Variants in DIP2C observed in about 807,000 individuals in gnomAD.
The protein encoded by DIP2C is DIP2 acetate--CoA ligase C (putative), also known as disco-interacting protein 2 homolog C.
DIP2C carries 33 observed loss-of-function variants against 192.4 expected under a neutral mutation model. The ratio of observed to expected loss-of-function variants is 0.17; its 90% CI spans 0.13 to 0.23. The LOEUF (loss-of-function observed/expected upper bound fraction) is 0.23, where lower values mean the gene tolerates loss of function less well. Ranked by LOEUF, DIP2C falls within the 10% of genes least tolerant of loss-of-function variation. DIP2C has a pLI of 1.00. For synonymous variants in DIP2C, 979 were observed against 864.1 expected, an observed-to-expected ratio of 1.13 and a Z score of -2.33; for missense variants, 1,537 against 2,110.1, an observed-to-expected ratio of 0.73 and a Z score of 5.32.
intron 6 of DIP2C, among the ~76,000 whole-genome samples, chr10:418,707 C>T (rs1965970786): frequency 6.6e-6 from 1 of 152,242 alleles, no homozygotes; most frequent in Non-Finnish European, 1.5e-5. Flanking sequence ...CTTCATCTTG[C>T]TCTTCTAAGT....
intron 1 of DIP2C, among the ~76,000 whole-genome samples, chr10:640,272 G>A (rs1299645872): frequency 6.6e-6 from 1 of 152,258 alleles, no homozygotes; most frequent in Non-Finnish European, 1.5e-5. Context: ...GGCCACCAAG[G>A]GCTTTGCTTT....
chr10:441,109 C>A, intron 3 of DIP2C, 113 bp from the exon 4 acceptor site: 3 of 1,256,894 alleles, frequency 2.4e-6, no homozygotes, highest in Non-Finnish European at 3.2e-6. Flanking sequence ...AACTCACCAA[C>A]AGATGGGTGG....
At chr10:315,363 A>C (rs1467956759) in intron 31 of DIP2C, among the ~76,000 whole-genome samples, 1 of 152,114 alleles carries the variant, frequency 6.6e-6, no homozygotes, top group African/African-American at 2.4e-5. Context: ...TTTTGCTATC[A>C]TTTATTTTCA....
chr10:572,901 G>A (rs7082405), intron 1 of DIP2C, among the ~76,000 whole-genome samples: 12,629 of 152,192 alleles, frequency 0.083, 839 homozygotes, highest in African/African-American at 0.18. Context: ...CAGGCAGCCG[G>A]AAGATTGCCA....
At chr10:369,365 G>T in intron 18 of DIP2C, 129 bp downstream of exon 18, 1 of 1,182,870 alleles carries the variant, frequency 8.5e-7, no homozygotes, top group Non-Finnish European at 1.1e-6. Context: ...TCAGAAGACT[G>T]GGAGTGAGGC....
intron 1 of DIP2C, among the ~76,000 whole-genome samples, chr10:602,467 C>A (rs1212542132): frequency 6.6e-6 from 1 of 152,230 alleles, no homozygotes. Flanking sequence ...AAGGTGTGGC[C>A]TTTGGGAGGC....
chr10:652,953 A>G lies in DIP2C; in HGVS notation c.85+36541T>C, dbSNP rs961486907. On this transcript the variant is annotated intron_variant, in intron 1 of 36. Transcript: ENST00000280886. This position sits in a 1 kb window ranked among gnomAD's most constrained non-coding sequence, Gnocchi z 4.5. ...CACACACTGAGCCATAAACCCTCGC[A>G]AGACTGTGGGCATCTCAAGGTGCCC... 1.4e-4 allele frequency among the ~76,000 whole-genome samples: 21 copies of G among 151,992 alleles called. No homozygotes were observed. Among genetic ancestry groups the G allele is most frequent in the Non-Finnish European group, 4.4e-5 (3 of 67,990 alleles).
intron 23 of DIP2C, 106 bp from the exon 24 acceptor site, chr10:356,612 T>C: frequency 1.1e-6 from 1 of 918,090 alleles, no homozygotes; most frequent in Admixed American, 2.6e-5. Flanking sequence ...CTGAGTGCTT[T>C]GGGTCTTAAA....
chr10:383,635 A>C (rs142947462), intron 16 of DIP2C, among the ~76,000 whole-genome samples: 1 of 152,346 alleles, frequency 6.6e-6, no homozygotes, highest in East Asian at 1.9e-4. Context: ...TATTTCTTGA[A>C]TATTTCCTTA....
intron 32 of DIP2C, among the ~76,000 whole-genome samples, chr10:295,189 C>T (rs980064082): frequency 3.3e-5 from 5 of 151,872 alleles, no homozygotes; most frequent in Non-Finnish European, 7.4e-5. Context: ...GCAGCAAGGA[C>T]GGCTCAGCTG....
In DIP2C at chr10:642,904, T is replaced by C. The variant is rs140200454; in HGVS notation, c.85+46590A>G. Among the ~76,000 whole-genome samples, 430 of 152,314 alleles carry C rather than the reference T, an allele frequency of 2.8e-3. 4 individuals are homozygous for C. The highest frequency in any genetic ancestry group is 9.1e-3 in the African/African-American group (378 of 41,568). ...AGAAAGATTAAAAAGAAAAAGAAGA[T>C]TTAAGAATCAAACACAGGGCCGGGC... On this transcript the variant is annotated intron_variant, in intron 1 of 36. Coordinates refer to ENST00000280886, the MANE Select transcript of DIP2C (RefSeq NM_014974.3).
At chr10:362,898 T>C (rs1253360123) in intron 21 of DIP2C, among the ~76,000 whole-genome samples, 4 of 152,092 alleles carry the variant, frequency 2.6e-5, no homozygotes, top group East Asian at 3.9e-4. Context: ...TGGAAGACCA[T>C]ACACAGTAAA....
At chr10:627,546 G>A (rs1012500040) in intron 1 of DIP2C, among the ~76,000 whole-genome samples, 4 of 152,196 alleles carry the variant, frequency 2.6e-5, no homozygotes, top group Non-Finnish European at 4.4e-5. Context: ...TCAACCGAGC[G>A]CCACTGACCC....
intron 31 of DIP2C, among the ~76,000 whole-genome samples, chr10:318,721 T>A (rs1018073412): frequency 2.6e-5 from 4 of 152,146 alleles, no homozygotes; most frequent in African/African-American, 9.7e-5. Context: ...GGGCATAAAG[T>A]TCCTGCTGAC....
chr10:407,658 C>T (rs1385508691), intron 9 of DIP2C, among the ~76,000 whole-genome samples: 1 of 152,116 alleles, frequency 6.6e-6, no homozygotes, highest in East Asian at 1.9e-4. Flanking sequence ...TGAGGTTTTG[C>T]TTTGCTTTTC....
chr10:618,524 CCA>C (rs1363026274), intron 1 of DIP2C, among the ~76,000 whole-genome samples: 3 of 152,366 alleles, frequency 2.0e-5, no homozygotes, highest in African/African-American at 4.8e-5. Context: ...GCTAAAAATA[CCA>C]CACAGCGTCC....
chr10:689,574 G>T lies in DIP2C; in HGVS notation c.5C>A (p.Ala2Glu). M[A>E]DRSLEGMALP... Reference sequence around the variant, plus strand: ...CGCCATGCCCTCCAGGCTGCGGTCCGCCATGCTCCGCGGGCGCCGCGCCCC... The same window carrying T: ...CGCCATGCCCTCCAGGCTGCGGTCCTCCATGCTCCGCGGGCGCCGCGCCCC... Residue 2 changes from alanine (A) to glutamate (E), a missense_variant, in exon 1 of 37, where the codon GCG becomes GAG. Ala to Glu is a moderately radical substitution (Grantham distance 107, BLOSUM62 -1). Coordinates refer to ENST00000280886, the MANE Select transcript of DIP2C (RefSeq NM_014974.3). This position sits in a 1 kb window ranked among gnomAD's most constrained non-coding sequence, Gnocchi z 6.1. The T allele has an allele frequency of 8.4e-7, 1 of 1,183,998 alleles. No individual in the cohort carries two copies. Among genetic ancestry groups the T allele is most frequent in the South Asian group, 2.3e-5 (1 of 43,138 alleles). 73.3% of individuals were successfully genotyped at this position (1,183,998 alleles called of 1,614,324 possible).
rs879526330 is a variant in DIP2C, at chr10:371,141, GCCACCA to G, written c.1992-1514_1992-1509del. Among the ~76,000 whole-genome samples, 691 of 151,202 alleles carry G rather than the reference GCCACCA, an allele frequency of 4.6e-3. 6 individuals carry two copies. Among genetic ancestry groups the G allele is most frequent in the Non-Finnish European group, 8.2e-3 (554 of 67,736 alleles). ...AAACACAGGTGTTGTCAGTGGTCCT[GCCACCA>G]TCCCCTCACCCTGCACCATCCCCTC... is the stretch of plus-strand genomic sequence containing the variant. On this transcript the variant is annotated intron_variant, in intron 17 of 36. Coordinates refer to ENST00000280886, the MANE Select transcript of DIP2C (RefSeq NM_014974.3).
intron 1 of DIP2C, among the ~76,000 whole-genome samples, chr10:613,635 T>A (rs1470310217): frequency 6.6e-6 from 1 of 152,218 alleles, no homozygotes; most frequent in Non-Finnish European, 1.5e-5. Flanking sequence ...AGCAGGTAAT[T>A]AGAGCAATTG....
Sources: gnomAD v4.1 joint callset for allele counts (sites outside exome capture counted in the v4.1 genomes callset) on GRCh38, gnomAD v4.1.1 for gene constraint, Gnocchi (gnomAD v3.1) non-coding constraint, MANE v1.5 for transcripts, NCBI Gene and HGNC (gene_info 2026-07-23, HGNC 2026-07-21) for gene names.